DGLUCY: variants seen among roughly 807,000 people sequenced by gnomAD.
The protein encoded by DGLUCY is D-glutamate cyclase, also known as D-glutamate cyclase, mitochondrial.
Under a neutral mutation model 58.5 loss-of-function variants are expected in DGLUCY, and 58 were observed. That is an observed-to-expected ratio of 0.99 (90% CI 0.80 to 1.23). The LOEUF is 1.23. DGLUCY is among the 50% of genes most tolerant of loss of function. The pLI, the probability that DGLUCY is intolerant of heterozygous loss-of-function variation, is 0.00. For missense variants in DGLUCY, 779 were observed against 784.7 expected (o/e 0.99, Z 0.09); for synonymous variants, 325 against 314.1 (o/e 1.03, Z -0.37).
At chr14:91,060,850 A>T (rs2043650392) in intron 1 of DGLUCY, 1 of 155,782 alleles carries the variant, frequency 6.4e-6, no homozygotes, top group Non-Finnish European at 1.4e-5. Flanking sequence ...GCGGGGAGGC[A>T]GGAGAGGGAG....
chr14:91,141,843 G>A (rs1288858000), intron 1 of DGLUCY, among the ~76,000 whole-genome samples: 1 of 147,532 alleles, frequency 6.8e-6, no homozygotes, highest in Non-Finnish European at 1.5e-5. Context: ...GAGTCACTGC[G>A]CCCGGCCTTT....
chr14:91,197,436 G>T (rs935680677), intron 10 of DGLUCY, among the ~76,000 whole-genome samples: 3 of 152,156 alleles, frequency 2.0e-5, no homozygotes, highest in Admixed American at 6.6e-5. Flanking sequence ...TTACACTTCA[G>T]TGGCGTAAAA....
intron 2 of DGLUCY, 108 bp downstream of exon 2, chr14:91,157,798 T>G (rs2047751372): frequency 1.3e-5 from 2 of 152,126 alleles, no homozygotes; most frequent in Admixed American, 1.3e-4. Flanking sequence ...CTGGCAACAC[T>G]CATTTCTCTC....
At chr14:91,067,538 CCAATAT>C (rs1391315996) in intron 1 of DGLUCY, among the ~76,000 whole-genome samples, 1 of 151,972 alleles carries the variant, frequency 6.6e-6, no homozygotes, top group African/African-American at 2.4e-5. Context: ...AACTACATTA[CCAATAT>C]CTTTTTTTTT....
chr14:91,131,500 G>A (rs888097514), intron 1 of DGLUCY, among the ~76,000 whole-genome samples: 1 of 151,534 alleles, frequency 6.6e-6, no homozygotes, highest in Non-Finnish European at 1.5e-5. Flanking sequence ...AAGTTGTAGG[G>A]TACATGTGCA....
chr14:91,215,971 C>T (rs113703769), intron 13 of DGLUCY: 64 of 341,448 alleles, frequency 1.9e-4, no homozygotes, highest in African/African-American at 1.4e-3. Flanking sequence ...GCCACTAAAA[C>T]CTCCAGAGTA....
At chr14:91,061,559 G>T (rs79771977) in intron 1 of DGLUCY, among the ~76,000 whole-genome samples, 1 of 152,190 alleles carries the variant, frequency 6.6e-6, no homozygotes, top group African/African-American at 2.4e-5. Context: ...ATTCCCAGAC[G>T]AGGAACTGGG....
chr14:91,179,576 C>A lies in DGLUCY; in HGVS notation c.731-1610C>A, dbSNP rs191430089. On this transcript the variant is annotated intron_variant, in intron 7 of 13. Transcript: ENST00000256324. ...AGCCAGCCTAGCCAACATGGCAAAACCCTGTCTCTACTAAAAATACAAAAA... is the reference window on the plus strand; with the variant it reads ...AGCCAGCCTAGCCAACATGGCAAAAACCTGTCTCTACTAAAAATACAAAAA... 1.5e-3 allele frequency among the ~76,000 whole-genome samples: 222 copies of A among 152,208 alleles called. 2 individuals carry two copies. The highest frequency in any genetic ancestry group is 0.014 in the Middle Eastern group (4 of 294).
intron 3 of DGLUCY, among the ~76,000 whole-genome samples, chr14:91,161,765 G>A (rs1262903813): frequency 6.6e-6 from 1 of 151,852 alleles, no homozygotes; most frequent in African/African-American, 2.4e-5. Flanking sequence ...ATACTGGGGA[G>A]CATAGTTTAT....
At chr14:91,206,073 C>G (rs1884644759) in intron 12 of DGLUCY, among the ~76,000 whole-genome samples, 1 of 151,900 alleles carries the variant, frequency 6.6e-6, no homozygotes, top group Non-Finnish European at 1.5e-5. Flanking sequence ...CTCCTGCCTT[C>G]AAGTGATTTG....
In DGLUCY at chr14:91,224,792, A is replaced by T; in HGVS notation, c.1825A>T (p.Met609Leu). ...GLPFHNTHAEMIQKLVDVTTA... is the reference protein window; with the variant it reads ...GLPFHNTHAELIQKLVDVTTA... ...GCCCTTCCACAACACCCACGCCGAG[A>T]TGATCCAGAAGCTGGTGGACGTCAC... Residue 609 changes from methionine to leucine, a missense_variant, in exon 14 of 14, where the codon ATG becomes TTG. By Grantham distance (15) the Met-to-Leu change is conservative (BLOSUM62 2). Transcript: ENST00000256324. 2 of 1,613,624 alleles carry T rather than the reference A, an allele frequency of 1.2e-6. No homozygotes were observed. The highest frequency in any genetic ancestry group is 1.7e-6 in the Non-Finnish European group (2 of 1,179,686).
At chr14:91,077,162 C>T (rs1275150989) in intron 1 of DGLUCY, among the ~76,000 whole-genome samples, 1 of 151,858 alleles carries the variant, frequency 6.6e-6, no homozygotes, top group African/African-American at 2.4e-5. Flanking sequence ...GTGAGGATCA[C>T]TTGAGCCAAG....
intron 12 of DGLUCY, among the ~76,000 whole-genome samples, chr14:91,209,147 C>T (rs1885254855): frequency 6.6e-6 from 1 of 151,800 alleles, no homozygotes. Flanking sequence ...ACTCCCATCT[C>T]TACTAAAATA....
intron 1 of DGLUCY, among the ~76,000 whole-genome samples, chr14:91,120,453 G>A (rs2045279889): frequency 6.6e-6 from 1 of 152,114 alleles, no homozygotes; most frequent in Non-Finnish European, 1.5e-5. Flanking sequence ...CACCCAGGCT[G>A]CAGTGCAATC....
intron 1 of DGLUCY, among the ~76,000 whole-genome samples, chr14:91,131,469 C>CT (rs1248711230): frequency 1.9e-4 from 28 of 149,124 alleles, no homozygotes; most frequent in South Asian, 6.3e-4. Flanking sequence ...AGCCTAACGT[C>CT]TTTTTTTTTT....
chr14:91,169,011 T>A (rs867729506), intron 4 of DGLUCY, among the ~76,000 whole-genome samples: 2 of 151,636 alleles, frequency 1.3e-5, no homozygotes, highest in African/African-American at 2.4e-5. Flanking sequence ...CACTTGAACC[T>A]GGGAGGCAGA....
At chr14:91,081,762 G>T (rs1473928669) in intron 1 of DGLUCY, among the ~76,000 whole-genome samples, 1 of 151,398 alleles carries the variant, frequency 6.6e-6, no homozygotes, top group Admixed American at 6.6e-5. Flanking sequence ...ATTTTTCTCA[G>T]ACAGAGTCTC....
intron 1 of DGLUCY, among the ~76,000 whole-genome samples, chr14:91,142,625 C>A (rs1299320311): frequency 6.6e-6 from 1 of 152,078 alleles, no homozygotes; most frequent in Admixed American, 6.6e-5. Context: ...TGCTGACAAA[C>A]CCCTGAGCAA....
intron 1 of DGLUCY, among the ~76,000 whole-genome samples, chr14:91,145,818 A>G (rs1343093291): frequency 1.3e-5 from 2 of 152,188 alleles, no homozygotes; most frequent in East Asian, 3.8e-4. Flanking sequence ...CCGAGGTCAC[A>G]GCAAGGGGCT....
Sources: gnomAD v4.1 joint callset for allele counts (sites outside exome capture counted in the v4.1 genomes callset) on GRCh38, gnomAD v4.1.1 for gene constraint, MANE v1.5 for transcripts, NCBI Gene and HGNC (gene_info 2026-07-23, HGNC 2026-07-21) for gene names.